Variants in FLVCR1 observed in about 807,000 individuals in gnomAD.
FLVCR1 encodes the protein FLVCR choline and heme transporter 1.
In FLVCR1, 34 loss-of-function variants were observed where a neutral mutation model predicts 53.6. That is an observed-to-expected ratio of 0.63 (90% CI 0.48 to 0.84). The LOEUF (loss-of-function observed/expected upper bound fraction) is 0.84. Ranked by LOEUF, FLVCR1 falls within the 40% of genes least tolerant of loss-of-function variation. The probability of loss-of-function intolerance (pLI) is 0.00; values close to 1 mark genes in which losing one functional copy is unlikely to be tolerated. For synonymous variants in FLVCR1, 300 were observed against 286.3 expected (o/e 1.05, Z -0.48); for missense variants, 677 against 696.7 (o/e 0.97, Z 0.32).
At chr1:212,878,168 T>G (rs1173558490) in intron 3 of FLVCR1, among the ~76,000 whole-genome samples, 1 of 152,074 alleles carries the variant, frequency 6.6e-6, no homozygotes, top group Non-Finnish European at 1.5e-5. Context: ...TACTACCTGG[T>G]CCTTTACAGA....
At chr1:212,879,245 G>A (rs1049628540) in intron 3 of FLVCR1, among the ~76,000 whole-genome samples, 8 of 152,188 alleles carry the variant, frequency 5.3e-5, no homozygotes, top group Admixed American at 3.3e-4. Flanking sequence ...GGGAAACACT[G>A]TGGAGAGTTC....
rs569621196 is a variant in FLVCR1 at position 212,858,630 on chromosome 1, G to C, written c.178G>C (p.Ala60Pro). The C allele has an allele frequency of 6.5e-7, 1 of 1,534,108 alleles. No homozygotes were observed. The highest frequency in any genetic ancestry group is 1.4e-5 in the African/African-American group (1 of 72,662). The change falls in exon 1 of 10, where the codon GCC becomes CCC. Residue 60 changes from alanine (A) to proline (P), a missense_variant. Ala to Pro is a conservative substitution (Grantham distance 27). Transcript: ENST00000366971. ...GGCCCCCCGGGACAGCCTCGCTGCC[G>C]CCTCGGGAGTTCTGGGCGGGCCTCA... is the stretch of plus-strand genomic sequence containing the variant. ...NGAPRDSLAAASGVLGGPQTP... is the reference protein window; with the variant it reads ...NGAPRDSLAAPSGVLGGPQTP...
At chr1:212,887,673 C>T (rs1160032591) in intron 5 of FLVCR1, among the ~76,000 whole-genome samples, 2 of 152,094 alleles carry the variant, frequency 1.3e-5, no homozygotes, top group Non-Finnish European at 2.9e-5. Flanking sequence ...ATAAAAGGAT[C>T]CTATCTGAGC....
Position 212,898,613 on chromosome 1 carries a change from T to C in FLVCR1, c.*3323T>C, listed in dbSNP as rs1373985439. 6.6e-6 allele frequency: 1 copy of C among 152,214 alleles called. No homozygotes were observed. The highest frequency in any genetic ancestry group is 1.5e-5 in the Non-Finnish European group (1 of 68,036). 9.4% of individuals were successfully genotyped at this position (152,214 alleles called of 1,614,324 possible). ...GTGACAATGCAAAATGAATTGATAA[T>C]TTTTCTGTATTTTGAGTGAAAGTTG... is the stretch of plus-strand genomic sequence containing the variant. On this transcript the variant is annotated 3_prime_UTR_variant, in exon 10 of 10. Transcript: ENST00000366971.
intron 5 of FLVCR1, 154 bp downstream of exon 5, chr1:212,885,550 C>CTT (rs539282150): frequency 0.022 from 6,555 of 296,118 alleles, 62 homozygotes; most frequent in African/African-American, 0.039. Flanking sequence ...ACAAGTGTTT[C>CTT]TTTTTTTTTT....
At chr1:212,870,653 A>AT (rs869077223) in intron 2 of FLVCR1, among the ~76,000 whole-genome samples, 1 of 151,946 alleles carries the variant, frequency 6.6e-6, no homozygotes, top group Admixed American at 6.6e-5. Flanking sequence ...ATTAAAAAAA[A>AT]TTTTTTTTCT....
Position 212,859,107 on chromosome 1 carries a change from G to A in FLVCR1, c.655G>A (p.Gly219Ser), listed in dbSNP as rs752733357. Residue 219 changes from glycine to serine, a missense_variant, in exon 1 of 10, where the codon GGC becomes AGC. Transcript: ENST00000366971. ...LCSVAQVFIL[G>S]LPSRIASVWF... ...CTCGGTGGCCCAGGTGTTCATCCTGGGCTTGCCCTCCCGCATCGCCTCAGT... is the reference window on the plus strand; with the variant it reads ...CTCGGTGGCCCAGGTGTTCATCCTGAGCTTGCCCTCCCGCATCGCCTCAGT... 3.1e-6 allele frequency: 5 copies of A among 1,613,874 alleles called. No individual in the cohort carries two copies. Among genetic ancestry groups the A allele is most frequent in the Non-Finnish European group, 3.4e-6 (4 of 1,180,012 alleles).
intron 3 of FLVCR1, among the ~76,000 whole-genome samples, chr1:212,877,129 G>C (rs1314753859): frequency 2.0e-5 from 2 of 99,300 alleles, no homozygotes; most frequent in Admixed American, 2.9e-4. Context: ...CCACATAAAT[G>C]TCTTTTTTTT....
chr1:212,888,516 G>A lies in FLVCR1; in HGVS notation c.1335G>A (p.Leu445=), dbSNP rs1383330558. The A allele has an allele frequency of 6.2e-7, 1 of 1,613,540 alleles. No individual in the cohort carries two copies. The highest frequency in any genetic ancestry group is 2.2e-5 in the East Asian group (1 of 44,854). Residue 445 remains leucine (L), a synonymous_variant, in exon 7 of 10, where the codon TTG becomes TTA. Transcript: ENST00000366971. The stretch of plus-strand genomic sequence containing the variant: ...TCTTCATGACTGGTTACCTCCCTTT[G>A]GGTTTTGAATTTGCTGTTGAAATCA... ...LGFFMTGYLP[L]GFEFAVEITY... is the part of the protein sequence containing the mutation.
chr1:212,869,245 G>T (rs922359577), intron 2 of FLVCR1, among the ~76,000 whole-genome samples: 2 of 152,188 alleles, frequency 1.3e-5, no homozygotes, highest in African/African-American at 4.8e-5. Context: ...TGTTTTATTG[G>T]TGCAAATTTT....
At position 212,895,003 on chromosome 1, in the gene FLVCR1, C is replaced by A. The variant is rs746506424; in HGVS notation, c.1543C>A (p.Leu515Met). 13 of 1,604,240 alleles carry A rather than the reference C, an allele frequency of 8.1e-6. No homozygotes were observed. In the South Asian group the frequency reaches 1.3e-4, roughly 16 times the overall value. ...TGTTTCAGCATTAATCAAGTCTGATCTGCGAAGACACAACATAAATATAGG... is the reference window on the plus strand; with the variant it reads ...TGTTTCAGCATTAATCAAGTCTGATATGCGAAGACACAACATAAATATAGG... The part of the protein sequence containing the change: ...IILTALIKSD[L>M]RRHNINIGIT... The change falls in exon 9 of 10, where the codon CTG (leucine) becomes ATG (methionine). Residue 515 changes from leucine to methionine, a missense_variant. Transcript: ENST00000366971.
In FLVCR1 at chr1:212,872,691, A is replaced by C. The variant is rs755640420; in HGVS notation, c.897A>C (p.Lys299Asn). 1 of 1,613,316 alleles carries C rather than the reference A, an allele frequency of 6.2e-7. No homozygotes were observed. The highest frequency in any genetic ancestry group is 8.5e-7 in the Non-Finnish European group (1 of 1,179,394). Residue 299 changes from lysine (K) to asparagine (N), a missense_variant, in exon 3 of 10, where the codon AAA (lysine) becomes AAC (asparagine). Lys to Asn is a moderately conservative substitution (Grantham distance 94). Transcript: ENST00000366971. ...GTATATTCTCAGCCTTCAAAGAAAA[A>C]CCTCGGTATCCACCAAGTCAGGCTC... ...FILTAIAFKE[K>N]PRYPPSQAQA...
In FLVCR1 at chr1:212,858,997, G is replaced by A; in HGVS notation, c.545G>A (p.Gly182Asp). 1 of 1,613,114 alleles carries A rather than the reference G, an allele frequency of 6.2e-7. No individual in the cohort carries two copies. Among genetic ancestry groups the A allele is most frequent in the East Asian group, 2.2e-5 (1 of 44,848 alleles). The change falls in exon 1 of 10, where the codon GGC (glycine) becomes GAC (aspartate). Residue 182 changes from glycine to aspartate, a missense_variant. Gly to Asp is a moderately conservative substitution (Grantham distance 94, BLOSUM62 -1). Coordinates refer to ENST00000366971, the MANE Select transcript of FLVCR1 (RefSeq NM_014053.4). The part of the protein sequence containing the change: ...GLRLTALLGS[G>D]LNCLGAWIKC... ...CGGCTCACCGCCCTGCTGGGCTCCG[G>A]CCTCAACTGCCTGGGTGCCTGGATC...
chr1:212,898,976 C>T lies in FLVCR1; in HGVS notation c.*3686C>T, dbSNP rs910534764. ...GCATCACTAGGTGATAGGAATTTTTCAGTTCCATTATAATCTTATAGGATC... is the reference window on the plus strand; with the variant it reads ...GCATCACTAGGTGATAGGAATTTTTTAGTTCCATTATAATCTTATAGGATC... On this transcript the variant is annotated 3_prime_UTR_variant, in exon 10 of 10. Transcript: ENST00000366971. The T allele has an allele frequency of 6.6e-6, 1 of 152,338 alleles. No individual in the cohort carries two copies. Among genetic ancestry groups the T allele is most frequent in the African/African-American group, 2.4e-5 (1 of 41,584 alleles). The allele number at this position is 152,338 out of a possible 1,614,324, so 9.4% of individuals were successfully genotyped here.
At chr1:212,892,171 C>T (rs932833185) in intron 8 of FLVCR1, among the ~76,000 whole-genome samples, 1 of 152,212 alleles carries the variant, frequency 6.6e-6, no homozygotes, top group African/African-American at 2.4e-5. Flanking sequence ...GTAGGTTATC[C>T]AGAAGATCTA....
chr1:212,878,784 G>T (rs1360113289), intron 3 of FLVCR1, among the ~76,000 whole-genome samples: 1 of 151,886 alleles, frequency 6.6e-6, no homozygotes, highest in African/African-American at 2.4e-5. Flanking sequence ...GGGATAAAGG[G>T]AGACCTGCAT....
intron 3 of FLVCR1, among the ~76,000 whole-genome samples, chr1:212,878,770 G>A: frequency 6.6e-6 from 1 of 152,004 alleles, no homozygotes; most frequent in African/African-American, 2.4e-5. Context: ...AGAAAACATT[G>A]AAAGGGATAA....
At chr1:212,893,285 G>A (rs1423530988) in intron 8 of FLVCR1, among the ~76,000 whole-genome samples, 6 of 152,066 alleles carry the variant, frequency 3.9e-5, no homozygotes, top group Admixed American at 3.3e-4. Flanking sequence ...TTGATTTCCT[G>A]ACCTTGTGAT....
chr1:212,890,714 G>A (rs1665170868), intron 8 of FLVCR1, among the ~76,000 whole-genome samples: 1 of 152,154 alleles, frequency 6.6e-6, no homozygotes, highest in Non-Finnish European at 1.5e-5. Context: ...TTAGTTGGAG[G>A]ATCTGGTTAT....
Sources: gnomAD v4.1 joint callset for allele counts (sites outside exome capture counted in the v4.1 genomes callset) on GRCh38, gnomAD v4.1.1 for gene constraint, MANE v1.5 for transcripts, NCBI Gene and HGNC (gene_info 2026-07-23, HGNC 2026-07-21) for gene names.